Variants in NAP1L1 observed in about 807,000 individuals in gnomAD.
NAP1L1 encodes the protein nucleosome assembly protein 1-like 1.
NAP1L1 carries 9 observed loss-of-function variants against 58.9 expected under a neutral mutation model. That is an observed-to-expected ratio of 0.15 (90% CI 0.09 to 0.27). NAP1L1 has a LOEUF of 0.27. Among genes scored for constraint, NAP1L1 ranks in the 10% least tolerant of loss-of-function variants. The pLI, the probability that NAP1L1 is intolerant of heterozygous loss-of-function variation, is 1.00. For missense variants in NAP1L1, 302 were observed against 458.8 expected, an observed-to-expected ratio of 0.66 and a Z score of 3.12; for synonymous variants, 130 against 138.3, an observed-to-expected ratio of 0.94 and a Z score of 0.42.
intron 3 of NAP1L1, 146 bp downstream of exon 3, chr12:76,068,763 C>CACACACACACACACAG (rs1949805333): frequency 1.6e-6 from 1 of 611,334 alleles, no homozygotes; most frequent in African/African-American, 1.9e-5. Context: ...CACACACACA[C>CACACACACACACACAG]ACACACACAC....
intron 3 of NAP1L1, 84 bp downstream of exon 3, chr12:76,068,824 CA>C (rs769033503): frequency 1.2e-5 from 11 of 933,720 alleles, no homozygotes; most frequent in South Asian, 5.8e-5. Context: ...AGCAAGGGTC[CA>C]AAAAAATAGA....
chr12:76,066,056 A>G (rs1488998940), intron 4 of NAP1L1, among the ~76,000 whole-genome samples: 3 of 150,442 alleles, frequency 2.0e-5, no homozygotes, highest in African/African-American at 7.3e-5. Context: ...TAGTGTTTAA[A>G]AAAAAAAAAA....
intron 1 of NAP1L1, among the ~76,000 whole-genome samples, chr12:76,081,311 T>C (rs913489699): frequency 6.6e-6 from 1 of 151,086 alleles, no homozygotes; most frequent in Admixed American, 6.6e-5. Flanking sequence ...TGTCTCTAAG[T>C]AAATTAAATG....
rs1472776915 is a variant in NAP1L1, at chr12:76,042,209, G to C, written c.*6220C>G. On this transcript the variant is annotated 3_prime_UTR_variant, in exon 15 of 15. Coordinates refer to ENST00000618691, the MANE Select transcript of NAP1L1 (RefSeq NM_004537.7). Reference sequence around the variant, plus strand: ...CTTTGAACCAAGAAAACCCCAACTAGTTCAGAAATAAAGTTCTAAAACCAA... The same window carrying C: ...CTTTGAACCAAGAAAACCCCAACTACTTCAGAAATAAAGTTCTAAAACCAA... 2 of 152,094 alleles carry C rather than the reference G, an allele frequency of 1.3e-5. No homozygotes were observed. The highest frequency in any genetic ancestry group is 2.4e-5 in the African/African-American group (1 of 41,414). 9.4% of individuals were successfully genotyped at this position (152,094 alleles called of 1,614,324 possible). A position where few individuals can be genotyped will look rare whatever the true frequency, so the allele number is the denominator to read the frequency against.
intron 4 of NAP1L1, among the ~76,000 whole-genome samples, chr12:76,065,065 A>G (rs555234251): frequency 1.6e-4 from 25 of 152,202 alleles, no homozygotes; most frequent in Non-Finnish European, 2.5e-4. Context: ...TTTCACTAAC[A>G]AGTAAGAACT....
At chr12:76,082,087 C>T (rs1950427593) in intron 1 of NAP1L1, among the ~76,000 whole-genome samples, 1 of 152,154 alleles carries the variant, frequency 6.6e-6, no homozygotes, top group Non-Finnish European at 1.5e-5. Context: ...GATCTGAATA[C>T]ACTGATCATT....
rs770239693 is a variant in NAP1L1 at position 76,056,117 on chromosome 12, A to T, written c.474T>A (p.Asp158Glu). 1 of 1,612,940 alleles carries T rather than the reference A, an allele frequency of 6.2e-7. No individual in the cohort carries two copies. The highest frequency in any genetic ancestry group is 2.2e-5 in the East Asian group (1 of 44,770). ...EKAKIEDEKK[D>E]EEKEDPKGIP... is the part of the protein sequence containing the mutation. ...TTCCTTTGGGGTCTTCTTTTTCTTC[A>T]TCTTTTTTCTCATCTTCAATCTTGG... The change falls in exon 7 of 15, where the codon GAT (aspartate) becomes GAA (glutamate). Residue 158 changes from aspartate (D) to glutamate (E), a missense_variant. Transcript: ENST00000618691.
chr12:76,076,215 TTAAG>T (rs1191062305), intron 1 of NAP1L1, among the ~76,000 whole-genome samples: 2 of 152,170 alleles, frequency 1.3e-5, no homozygotes, highest in Admixed American at 6.5e-5. Context: ...CACATTCCGG[TTAAG>T]TAAGATTTCT....
chr12:76,042,700 ATTTTCT>A lies in NAP1L1; in HGVS notation c.*5723_*5728del. On this transcript the variant is annotated 3_prime_UTR_variant, in exon 15 of 15. Coordinates refer to ENST00000618691, the MANE Select transcript of NAP1L1 (RefSeq NM_004537.7). The stretch of plus-strand genomic sequence containing the variant: ...TTCAGTTTTTATGATACATGTACAA[ATTTTCT>A]TTCACCTGAAAGGCCCTAGAAATAC... 1 of 152,244 alleles carries A rather than the reference ATTTTCT, an allele frequency of 6.6e-6. No individual in the cohort carries two copies. The highest frequency in any genetic ancestry group is 2.4e-5 in the African/African-American group (1 of 41,526). The allele number at this position is 152,244 out of a possible 1,614,324, so 9.4% of individuals were successfully genotyped here.
At chr12:76,066,420 C>G in intron 4 of NAP1L1, among the ~76,000 whole-genome samples, 1 of 151,776 alleles carries the variant, frequency 6.6e-6, no homozygotes, top group East Asian at 1.9e-4. Context: ...TTTAGAATGT[C>G]TAAAAACTGA....
chr12:76,069,041 A>C, intron 2 of NAP1L1, 47 bp from the exon 3 acceptor site: 2 of 1,321,854 alleles, frequency 1.5e-6, no homozygotes, highest in Non-Finnish European at 2.1e-6. Flanking sequence ...ACCAATTACC[A>C]AAAAAAGTTA....
intron 6 of NAP1L1, among the ~76,000 whole-genome samples, chr12:76,058,740 A>C (rs1949263552): frequency 6.6e-6 from 1 of 152,022 alleles, no homozygotes; most frequent in Non-Finnish European, 1.5e-5. Context: ...TGCGGTGACC[A>C]TTTTTGTTGA....
Position 76,057,801 on chromosome 12 carries a change from GGAA to G in NAP1L1, c.430-1643_430-1641del, listed in dbSNP as rs1265160759. The G allele has an allele frequency of 1.1e-5, 17 of 1,550,716 alleles. No homozygotes were observed. The East Asian group carries it at 3.7e-4, about 33-fold the overall frequency. ...TCTGTCAAGGTCAAGGAACAGCAGG[GGAA>G]GAAGAGGAGAAGAAAAAACAGAAGA... On this transcript the variant is annotated intron_variant, in intron 6 of 14. Transcript: ENST00000618691.
In NAP1L1 at chr12:76,039,127, C is replaced by T. The variant is rs565122786; in HGVS notation, c.*9302G>A. 1 of 152,280 alleles carries T rather than the reference C, an allele frequency of 6.6e-6. No homozygotes were observed. Among genetic ancestry groups the T allele is most frequent in the Admixed American group, 6.5e-5 (1 of 15,296 alleles). 9.4% of individuals were successfully genotyped at this position (152,280 alleles called of 1,614,324 possible). The stretch of plus-strand genomic sequence containing the variant: ...TTGATCAAATAATCCTTTTCTAAAT[C>T]AACTTATTTCGACATATGTGGCCAA... On this transcript the variant is annotated 3_prime_UTR_variant, in exon 15 of 15. Transcript: ENST00000618691.
Position 76,042,881 on chromosome 12 carries a change from T to C in NAP1L1, c.*5548A>G, listed in dbSNP as rs975119635. ...AGAAAACTTTTTGAGCCAAAAAGTATGTTGATCAGAGTAAAGAATATACCG... is the reference window on the plus strand; with the variant it reads ...AGAAAACTTTTTGAGCCAAAAAGTACGTTGATCAGAGTAAAGAATATACCG... On this transcript the variant is annotated 3_prime_UTR_variant, in exon 15 of 15. Transcript: ENST00000618691. 1.3e-5 allele frequency: 2 copies of C among 152,198 alleles called. No individual in the cohort carries two copies. Among genetic ancestry groups the C allele is most frequent in the African/African-American group, 4.8e-5 (2 of 41,452 alleles). The allele number at this position is 152,198 out of a possible 1,614,324, so 9.4% of individuals were successfully genotyped here. A position where few individuals can be genotyped will look rare whatever the true frequency, so the allele number is the denominator to read the frequency against.
intron 5 of NAP1L1, 60 bp downstream of exon 5, chr12:76,060,078 T>C: frequency 6.5e-7 from 1 of 1,546,604 alleles, no homozygotes. Flanking sequence ...CAAGTCTGCT[T>C]ATGTTTCTAG....
At chr12:76,050,701 T>C (rs774220786) in intron 11 of NAP1L1, 48 bp from the exon 12 acceptor site, 3 of 1,576,554 alleles carry the variant, frequency 1.9e-6, no homozygotes, top group Non-Finnish European at 2.6e-6. Flanking sequence ...ATAACTGTGT[T>C]ACTTAATTTG....
At chr12:76,080,600 C>A (rs948385444) in intron 1 of NAP1L1, among the ~76,000 whole-genome samples, 2 of 152,154 alleles carry the variant, frequency 1.3e-5, no homozygotes, top group Non-Finnish European at 2.9e-5. Flanking sequence ...AACACATCCC[C>A]ATCATTAACC....
chr12:76,065,702 G>C (rs1306779766), intron 4 of NAP1L1, among the ~76,000 whole-genome samples: 1 of 152,066 alleles, frequency 6.6e-6, no homozygotes, highest in Admixed American at 6.6e-5. Context: ...TGAATAATTA[G>C]AAGTATGTGG....
Sources: gnomAD v4.1 joint callset for allele counts (sites outside exome capture counted in the v4.1 genomes callset) on GRCh38, gnomAD v4.1.1 for gene constraint, MANE v1.5 for transcripts, NCBI Gene and HGNC (gene_info 2026-07-23, HGNC 2026-07-21) for gene names.